Variants in EXOSC10 observed in about 807,000 individuals in gnomAD.
EXOSC10 encodes the protein exosome complex component 10.
EXOSC10 carries 94 observed loss-of-function variants against 126.6 expected under a neutral mutation model. That is an observed-to-expected ratio of 0.74 (90% confidence interval 0.63 to 0.88). The LOEUF is 0.88. Among genes scored for constraint, EXOSC10 ranks in the 40% least tolerant of loss-of-function variants. The pLI is 0.00. For synonymous variants in EXOSC10, 395 were observed against 400.8 expected (o/e 0.99, Z 0.17); for missense variants, 1,041 against 1,100.5 (o/e 0.95, Z 0.77).
At chr1:11,079,846 C>CA in intron 13 of EXOSC10, 24 bp from the exon 14 acceptor site, 1 of 1,562,304 alleles carries the variant, frequency 6.4e-7, no homozygotes, top group Non-Finnish European at 8.8e-7. Context: ...AGAACACACT[C>CA]AACTTGTCAC....
rs1053520856 is a variant in EXOSC10 at position 11,088,749 on chromosome 1, A to G, written c.759-551T>C. Among the ~76,000 whole-genome samples, 3 of 152,386 alleles carry G rather than the reference A, an allele frequency of 2.0e-5. No individual in the cohort carries two copies. The South Asian group carries it at 6.2e-4, about 32-fold the overall frequency. On this transcript the variant is annotated intron_variant, in intron 6 of 24. Coordinates refer to ENST00000376936, the MANE Select transcript of EXOSC10 (RefSeq NM_001001998.3). ...GGCCTCACATTGCAGAGCTGGGGCT[A>G]AAGGCATGAATGCCCAGACAGACTC...
chr1:11,081,519 T>C lies in EXOSC10; in HGVS notation c.1281-281A>G, dbSNP rs113273823. ...GGCAGTAGAAAAGGGGCCACTGGTG[T>C]CCTGAGTTCAAATCTCAGCTCCAGA... On this transcript the variant is annotated intron_variant, in intron 10 of 24. Transcript: ENST00000376936. 2.1e-3 allele frequency among the ~76,000 whole-genome samples: 322 copies of C among 152,322 alleles called. 3 individuals are homozygous for C. The highest frequency in any genetic ancestry group is 6.9e-3 in the African/African-American group (288 of 41,580).
rs958411135 is a variant in EXOSC10, at chr1:11,074,064, G to A, written c.2083-56C>T. 24 of 1,549,744 alleles carry A rather than the reference G, an allele frequency of 1.5e-5. No individual in the cohort carries two copies. In the Admixed American group the frequency reaches 1.7e-4, roughly 11 times the overall value. ...TGCCGGGAACGGAATCTAGAGCCAC[G>A]GGGCAGAAGCGCTCAGATGGGGGGT... On this transcript the variant is annotated intron_variant, in intron 18 of 24. Transcript: ENST00000376936.
chr1:11,066,640 G>C lies in EXOSC10; in HGVS notation c.*78C>G, dbSNP rs41274498. 32,992 of 1,490,956 alleles carry C rather than the reference G, an allele frequency of 0.022. 544 individuals carry two copies. The highest frequency in any genetic ancestry group is 0.045 in the South Asian group (4,008 of 88,488). 92.4% of individuals were successfully genotyped at this position (1,490,956 alleles called of 1,614,324 possible). On this transcript the variant is annotated 3_prime_UTR_variant, in exon 25 of 25. Coordinates refer to ENST00000376936, the MANE Select transcript of EXOSC10 (RefSeq NM_001001998.3). The stretch of plus-strand genomic sequence containing the variant: ...AGCTTTCTTCAGGAAGAATTTTAAT[G>C]GTTTAAAAATATGTATGTACAAAAG...
rs568988774 is a variant in EXOSC10 at position 11,068,942 on chromosome 1, G to A, written c.2489-236C>T. 4 of 567,446 alleles carry A rather than the reference G, an allele frequency of 7.0e-6. No individual in the cohort carries two copies. In the East Asian group the frequency reaches 1.2e-4, roughly 17 times the overall value. 35.2% of individuals were successfully genotyped at this position (567,446 alleles called of 1,614,324 possible). On this transcript the variant is annotated intron_variant, in intron 22 of 24. Coordinates refer to ENST00000376936, the MANE Select transcript of EXOSC10 (RefSeq NM_001001998.3). ...TCTCAGCTCTAGTCCCAGGACCTTA[G>A]GGGCAGGTGGCTACAGCAGTGGCCC... is the stretch of plus-strand genomic sequence containing the variant.
Position 11,082,818 on chromosome 1 carries a change from C to T in EXOSC10, c.1150G>A (p.Val384Ile). 1 of 1,614,176 alleles carries T rather than the reference C, an allele frequency of 6.2e-7. No individual in the cohort carries two copies. The highest frequency in any genetic ancestry group is 8.5e-7 in the Non-Finnish European group (1 of 1,180,034). The change falls in exon 10 of 25, where the codon GTA (valine) becomes ATA (isoleucine). Residue 384 changes from valine (V) to isoleucine (I), a missense_variant. Val to Ile is a conservative substitution (Grantham distance 29). Coordinates refer to ENST00000376936, the MANE Select transcript of EXOSC10 (RefSeq NM_001001998.3). ...GCCTGATGAGTATCAAACATGTTTACTACATACAACCCAAAGTCTTTCTGT... is the reference window on the plus strand; with the variant it reads ...GCCTGATGAGTATCAAACATGTTTATTACATACAACCCAAAGTCTTTCTGT... ...WLQKDFGLYV[V>I]NMFDTHQAAR... is the part of the protein sequence containing the mutation.
chr1:11,099,465 T>C (rs1641305626), intron 1 of EXOSC10, among the ~76,000 whole-genome samples: 1 of 152,188 alleles, frequency 6.6e-6, no homozygotes, highest in South Asian at 2.1e-4. Context: ...CAAGGAAGCC[T>C]TTCCCAGGAT....
chr1:11,073,947 G>A lies in EXOSC10; in HGVS notation c.2144C>T (p.Thr715Ile). 5 of 1,587,606 alleles carry A rather than the reference G, an allele frequency of 3.1e-6. No individual in the cohort carries two copies. Among genetic ancestry groups the A allele is most frequent in the Non-Finnish European group, 4.3e-6 (5 of 1,159,062 alleles). ...VSQAAKFDPS[T>I]KIYEISNRWK... ...AAGTCCACTTACTTCATAGATTTTG[G>A]TTGATGGATCGAACTTCGCTGCCTG... Residue 715 changes from threonine to isoleucine, a missense_variant, in exon 19 of 25, where the codon ACC becomes ATC. By Grantham distance (89) the Thr-to-Ile change is moderately conservative. Transcript: ENST00000376936.
chr1:11,085,879 C>T (rs1255867589), intron 9 of EXOSC10, among the ~76,000 whole-genome samples: 1 of 152,204 alleles, frequency 6.6e-6, no homozygotes, highest in Non-Finnish European at 1.5e-5. Context: ...TTGAGATAAT[C>T]ACGTGGTTTT....
rs766012544 is a variant in EXOSC10, at chr1:11,069,793, C to T, written c.2317-63G>A. ...GGCACATGGGAACAGGGAACTCCAC[C>T]GGCCTCAGCAATAGCTGGGACCCAG... On this transcript the variant is annotated intron_variant, in intron 21 of 24. Transcript: ENST00000376936. The T allele has an allele frequency of 9.6e-5, 150 of 1,555,574 alleles. 1 individual carries two copies. The Middle Eastern group carries it at 1.3e-3, about 14-fold the overall frequency.
At chr1:11,077,074 C>G (rs1472501035) in intron 16 of EXOSC10, 126 bp from the exon 17 acceptor site, 2 of 696,682 alleles carry the variant, frequency 2.9e-6, no homozygotes, top group Non-Finnish European at 4.9e-6. Flanking sequence ...TCACTGCAAC[C>G]TCCGCCTCCT....
intron 17 of EXOSC10, 146 bp from the exon 18 acceptor site, chr1:11,074,472 G>C: frequency 3.4e-6 from 2 of 594,920 alleles, no homozygotes; most frequent in South Asian, 1.9e-5. Flanking sequence ...GAGTACAGTG[G>C]TGTGATCTCT....
At position 11,069,704 on chromosome 1, in the gene EXOSC10, C is replaced by T; in HGVS notation, c.2343G>A (p.Glu781=). ...VVLENAAKKR[E]RATSDPRTTE... Reference sequence around the variant, plus strand: ...TGGTCCTTGGGTCGCTTGTTGCTCGCTCTCTCTTCTTTGCAGCATTTTCTA... The same window carrying T: ...TGGTCCTTGGGTCGCTTGTTGCTCGTTCTCTCTTCTTTGCAGCATTTTCTA... Residue 781 remains glutamate (E), a synonymous_variant, in exon 22 of 25, where the codon GAG becomes GAA. Transcript: ENST00000376936. 3 of 1,613,696 alleles carry T rather than the reference C, an allele frequency of 1.9e-6. No homozygotes were observed. Among genetic ancestry groups the T allele is most frequent in the Non-Finnish European group, 2.5e-6 (3 of 1,179,960 alleles).
At position 11,067,203 on chromosome 1, in the gene EXOSC10, G is replaced by A. The variant is rs556876314; in HGVS notation, c.2628-455C>T. Among the ~76,000 whole-genome samples the A allele has an allele frequency of 6.2e-3, 950 of 152,234 alleles. 5 individuals carry two copies. The highest frequency in any genetic ancestry group is 0.011 in the Non-Finnish European group (751 of 68,000). On this transcript the variant is annotated intron_variant, in intron 24 of 24. Coordinates refer to ENST00000376936, the MANE Select transcript of EXOSC10 (RefSeq NM_001001998.3). ...CCCCAGCACTGTGGGAGGCCGAGGC[G>A]GGCGGATCACAAGGTCAGGAGATCG...
At chr1:11,087,745 C>T (rs1297725213) in intron 8 of EXOSC10, 55 bp downstream of exon 8, 6 of 1,496,740 alleles carry the variant, frequency 4.0e-6, no homozygotes, top group Non-Finnish European at 5.5e-6. Context: ...ACTTCTCCAA[C>T]AGGTGAACTC....
chr1:11,081,679 G>T (rs1233335377), intron 10 of EXOSC10, among the ~76,000 whole-genome samples: 1 of 152,204 alleles, frequency 6.6e-6, no homozygotes, highest in Non-Finnish European at 1.5e-5. Context: ...CCAGAGCTTG[G>T]CACAGGGTAA....
intron 1 of EXOSC10, among the ~76,000 whole-genome samples, chr1:11,099,401 G>A (rs925891850): frequency 3.3e-5 from 5 of 152,184 alleles, no homozygotes; most frequent in Non-Finnish European, 7.4e-5. Flanking sequence ...GAGCTGGTCG[G>A]GTGGCTAGGG....
At chr1:11,085,192 G>C (rs919585418) in intron 9 of EXOSC10, among the ~76,000 whole-genome samples, 2 of 152,144 alleles carry the variant, frequency 1.3e-5, no homozygotes, top group African/African-American at 2.4e-5. Context: ...GATGGGGATG[G>C]CATTGAATCT....
At position 11,096,195 on chromosome 1, in the gene EXOSC10, G is replaced by C. The variant is rs1641075739; in HGVS notation, c.249-314C>G. On this transcript the variant is annotated intron_variant, in intron 2 of 24. Coordinates refer to ENST00000376936, the MANE Select transcript of EXOSC10 (RefSeq NM_001001998.3). ...GATGAGGTTTTGCCATGTTGGCCAG[G>C]CTGCTCTCGAACTCCTGACCCGAAG... 2.0e-5 allele frequency among the ~76,000 whole-genome samples: 3 copies of C among 152,070 alleles called. No individual in the cohort carries two copies. The South Asian group carries it at 6.2e-4, about 32-fold the overall frequency.
Sources: gnomAD v4.1 joint callset for allele counts (sites outside exome capture counted in the v4.1 genomes callset) on GRCh38, gnomAD v4.1.1 for gene constraint, MANE v1.5 for transcripts, NCBI Gene and HGNC (gene_info 2026-07-23, HGNC 2026-07-21) for gene names.